NEK11: variants seen among roughly 807,000 people sequenced by gnomAD.
NEK11 encodes the protein NIMA related kinase 11, also known as serine/threonine-protein kinase Nek11.
Under a neutral mutation model 80.7 loss-of-function variants are expected in NEK11, and 72 were observed. That is an observed-to-expected ratio of 0.89 (90% CI 0.74 to 1.08). NEK11 has a LOEUF of 1.08. NEK11 is among the 50% of genes least tolerant of loss of function. The probability of loss-of-function intolerance (pLI) is 0.00; values close to 1 mark genes in which losing one functional copy is unlikely to be tolerated. For missense variants in NEK11, 764 were observed against 763.6 expected (o/e 1.00, Z -0.01); for synonymous variants, 251 against 260.7 (o/e 0.96, Z 0.36).
chr3:131,333,739 C>G (rs1046072388), intron 17 of NEK11, among the ~76,000 whole-genome samples: 2 of 152,174 alleles, frequency 1.3e-5, no homozygotes, highest in African/African-American at 4.8e-5. Context: ...TGTGCTGAGA[C>G]ACACATAGGC....
At position 131,176,540 on chromosome 3, in the gene NEK11, T is replaced by C. The variant is rs144578254; in HGVS notation, c.1399+5653T>C. ...AGTTCTAGAGGATAATTAGAATGAA[T>C]CTAATACTGAATGAAGATGTGCTGA... On this transcript the variant is annotated intron_variant, in intron 14 of 17. Transcript: ENST00000383366. Among the ~76,000 whole-genome samples the C allele has an allele frequency of 5.0e-3, 768 of 152,312 alleles. 1 individual carries two copies. Among genetic ancestry groups the C allele is most frequent in the Non-Finnish European group, 8.9e-3 (604 of 68,030 alleles).
chr3:131,349,545 C>A lies in NEK11; in HGVS notation c.1719-12C>A, dbSNP rs758400990. 11 of 1,607,996 alleles carry A rather than the reference C, an allele frequency of 6.8e-6. No individual in the cohort carries two copies. In the East Asian group the frequency reaches 2.2e-4, roughly 33 times the overall value. ...TGTAACTCTTTGTAATCTTTTGTAA[C>A]TTTTTTGACAGATCAGCCATGCAGA... is the stretch of plus-strand genomic sequence containing the variant. On this transcript the variant is annotated splice_polypyrimidine_tract_variant and intron_variant, in intron 17 of 17. Transcript: ENST00000383366.
intron 10 of NEK11, among the ~76,000 whole-genome samples, chr3:131,161,773 A>G (rs2091626075): frequency 6.6e-6 from 1 of 152,232 alleles, no homozygotes; most frequent in Admixed American, 6.5e-5. Context: ...CTGTACAACA[A>G]ACCCCTATCA....
intron 3 of NEK11, among the ~76,000 whole-genome samples, chr3:131,069,769 C>T (rs1477677738): frequency 4.0e-5 from 6 of 148,888 alleles, no homozygotes; most frequent in East Asian, 2.0e-4. Context: ...TAGGTGGGAA[C>T]TGAACAATGA....
rs1166405831 is a variant in NEK11 at position 131,203,747 on chromosome 3, ATG to A, written c.1400-24761_1400-24760del. On this transcript the variant is annotated intron_variant, in intron 14 of 17. Transcript: ENST00000383366. The stretch of plus-strand genomic sequence containing the variant: ...GTATATTATATATGTGTATATATAT[ATG>A]TGTGTGTGTGTGTGTGTGTATATAT... Among the ~76,000 whole-genome samples, 194 of 64,222 alleles carry A rather than the reference ATG, an allele frequency of 3.0e-3. 2 individuals are homozygous for A. The highest frequency in any genetic ancestry group is 4.3e-3 in the African/African-American group (75 of 17,572). 42.1% of individuals were successfully genotyped at this position (64,222 alleles called of 152,430 possible).
At chr3:131,205,121 C>T (rs1332898461) in intron 14 of NEK11, among the ~76,000 whole-genome samples, 1 of 152,140 alleles carries the variant, frequency 6.6e-6, no homozygotes, top group African/African-American at 2.4e-5. Context: ...TGGCAAGATG[C>T]TGGAGCTGGG....
At chr3:131,271,544 C>T (rs553837771) in intron 16 of NEK11, among the ~76,000 whole-genome samples, 1 of 152,260 alleles carries the variant, frequency 6.6e-6, no homozygotes, top group East Asian at 1.9e-4. Context: ...CCTGTAATCC[C>T]AGCACTTTGG....
intron 9 of NEK11, among the ~76,000 whole-genome samples, chr3:131,154,245 G>A (rs537080679): frequency 7.2e-4 from 110 of 151,918 alleles, no homozygotes; most frequent in Non-Finnish European, 1.3e-3. Context: ...TGGTTGTGGG[G>A]ATCAAAAACA....
At chr3:131,164,999 G>A (rs190924410) in intron 11 of NEK11, among the ~76,000 whole-genome samples, 84 of 152,280 alleles carry the variant, frequency 5.5e-4, no homozygotes, top group Middle Eastern at 3.4e-3. Context: ...ATTCCCCTGC[G>A]CAATGACTCC....
chr3:131,135,298 A>G (rs2085349073), intron 7 of NEK11, among the ~76,000 whole-genome samples: 1 of 151,962 alleles, frequency 6.6e-6, no homozygotes, highest in South Asian at 2.1e-4. Flanking sequence ...TTTTTTCATC[A>G]TTGGCTTACT....
intron 11 of NEK11, among the ~76,000 whole-genome samples, chr3:131,163,213 A>G (rs1023536800): frequency 6.6e-6 from 1 of 152,216 alleles, no homozygotes; most frequent in Non-Finnish European, 1.5e-5. Flanking sequence ...GAACTACCAT[A>G]TGATCTGGCA....
intron 15 of NEK11, among the ~76,000 whole-genome samples, chr3:131,230,259 C>T (rs1361459814): frequency 6.6e-6 from 1 of 152,102 alleles, no homozygotes; most frequent in Admixed American, 6.6e-5. Context: ...TACAATTTTT[C>T]CAGTCTCAGA....
intron 17 of NEK11, among the ~76,000 whole-genome samples, chr3:131,303,870 C>A (rs2096691631): frequency 6.6e-6 from 1 of 152,138 alleles, no homozygotes; most frequent in Non-Finnish European, 1.5e-5. Flanking sequence ...GGGTTCTCTG[C>A]ACTTCCTGAT....
rs565673058 is a variant in NEK11 at position 131,296,979 on chromosome 3, A to C, written c.1718+23405A>C. The stretch of plus-strand genomic sequence containing the variant: ...TTCCAGTTTCATCCATGTCCCTACA[A>C]AGGAAATGAACTCATCATTTTTTAT... On this transcript the variant is annotated intron_variant, in intron 17 of 17. Transcript: ENST00000383366. 7.9e-5 allele frequency among the ~76,000 whole-genome samples: 12 copies of C among 152,322 alleles called. No individual in the cohort carries two copies. In the East Asian group the frequency reaches 2.3e-3, roughly 29 times the overall value.
chr3:131,055,757 A>T (rs1339754310), intron 3 of NEK11, among the ~76,000 whole-genome samples: 1 of 152,224 alleles, frequency 6.6e-6, no homozygotes, highest in Non-Finnish European at 1.5e-5. Flanking sequence ...ATGAAATAAA[A>T]ATAAGGAAAG....
At chr3:131,116,458 C>T (rs1194403662) in intron 5 of NEK11, among the ~76,000 whole-genome samples, 2 of 152,138 alleles carry the variant, frequency 1.3e-5, no homozygotes, top group Non-Finnish European at 2.9e-5. Flanking sequence ...GTCTTTATAG[C>T]AGCATGATTT....
At chr3:131,214,182 C>G (rs1225659190) in intron 14 of NEK11, among the ~76,000 whole-genome samples, 1 of 152,212 alleles carries the variant, frequency 6.6e-6, no homozygotes, top group Non-Finnish European at 1.5e-5. Flanking sequence ...CCCAAACTAA[C>G]TAAGATATTG....
chr3:131,161,732 A>T (rs1161460966), intron 10 of NEK11, among the ~76,000 whole-genome samples: 1 of 152,222 alleles, frequency 6.6e-6, no homozygotes, highest in Non-Finnish European at 1.5e-5. Context: ...ACTAATGGGT[A>T]CTAGGCTTAA....
chr3:131,094,187 C>T (rs1490364107), intron 4 of NEK11, among the ~76,000 whole-genome samples: 1 of 151,220 alleles, frequency 6.6e-6, no homozygotes, highest in Non-Finnish European at 1.5e-5. Flanking sequence ...GGCTCAAGGG[C>T]AGTCTTTCTC....
Sources: allele counts gnomAD v4.1 joint callset (sites outside exome capture counted in the v4.1 genomes callset), GRCh38; gene constraint gnomAD v4.1.1; transcripts MANE v1.5; gene names NCBI Gene and HGNC (gene_info 2026-07-23, HGNC 2026-07-21).